Variants in SCN3B observed in about 807,000 individuals in gnomAD.
SCN3B encodes sodium voltage-gated channel beta subunit 3.
A neutral mutation model predicts 25.4 loss-of-function variants in SCN3B; 11 were observed. That is an observed-to-expected ratio of 0.43 (90% CI 0.27 to 0.72). SCN3B has a LOEUF of 0.72. SCN3B is among the 30% of genes least tolerant of loss of function. The pLI is 0.18. For synonymous variants in SCN3B, 109 were observed against 110.7 expected, an observed-to-expected ratio of 0.99 and a Z score of 0.09; for missense variants, 218 against 278.3, an observed-to-expected ratio of 0.78 and a Z score of 1.54.
In SCN3B at chr11:123,638,528, G is replaced by A. The variant is rs56655956; in HGVS notation, c.446-204C>T. On this transcript the variant is annotated intron_variant, in intron 4 of 6. Transcript: ENST00000299333. ...CTGCTCAGGAGCCAGGGAAGAGGGAGTGGGATGCCTGGAAGAAGTAGCCGA... is the reference window on the plus strand; with the variant it reads ...CTGCTCAGGAGCCAGGGAAGAGGGAATGGGATGCCTGGAAGAAGTAGCCGA... 0.033 allele frequency: 21,241 copies of A among 642,668 alleles called. 850 individuals are homozygous for A. The highest frequency in any genetic ancestry group is 0.15 in the African/African-American group (7,981 of 54,810). The allele number at this position is 642,668 out of a possible 1,614,324, so 39.8% of individuals were successfully genotyped here.
At chr11:123,651,924 C>A (rs559587819) in intron 2 of SCN3B, among the ~76,000 whole-genome samples, 1 of 152,150 alleles carries the variant, frequency 6.6e-6, no homozygotes, top group East Asian at 1.9e-4. Flanking sequence ...AGATATCACC[C>A]GTGCCAACTT....
chr11:123,647,057 C>T (rs1030859444), intron 2 of SCN3B, among the ~76,000 whole-genome samples: 1 of 151,950 alleles, frequency 6.6e-6, no homozygotes, highest in Non-Finnish European at 1.5e-5. Flanking sequence ...CTGCCCAACC[C>T]TAAAAGTTAT....
chr11:123,644,800 A>AT (rs1272015067), intron 3 of SCN3B, among the ~76,000 whole-genome samples: 77 of 45,502 alleles, frequency 1.7e-3, no homozygotes, highest in East Asian at 4.2e-3. Flanking sequence ...AGAGAGAGAG[A>AT]ATATATATAT....
At chr11:123,639,604 C>T (rs1955764746) in intron 4 of SCN3B, 1 of 152,278 alleles carries the variant, frequency 6.6e-6, no homozygotes, top group Non-Finnish European at 1.5e-5. Context: ...TCTCGAACTC[C>T]TCACCTCAGG....
At position 123,633,508 on chromosome 11, in the gene SCN3B, G is replaced by A. The variant is rs150884182; in HGVS notation, c.*291C>T. ...CAGGGGAGAAATCCAGTTGGCTTTGGAGTGTCTTGTTGGAAAACTAGGAGA... is the reference window on the plus strand; with the variant it reads ...CAGGGGAGAAATCCAGTTGGCTTTGAAGTGTCTTGTTGGAAAACTAGGAGA... On this transcript the variant is annotated 3_prime_UTR_variant, in exon 7 of 7. Transcript: ENST00000299333. 1 of 157,794 alleles carries A rather than the reference G, an allele frequency of 6.3e-6. No homozygotes were observed. Among genetic ancestry groups the A allele is most frequent in the African/African-American group, 2.4e-5 (1 of 41,608 alleles). 9.8% of individuals were successfully genotyped at this position (157,794 alleles called of 1,614,324 possible). A position where few individuals can be genotyped will look rare whatever the true frequency, so the allele number is the denominator to read the frequency against.
chr11:123,638,154 T>C (rs766959283), intron 5 of SCN3B, 32 bp downstream of exon 5: 1 of 1,613,544 alleles, frequency 6.2e-7, no homozygotes, highest in Admixed American at 1.7e-5. Flanking sequence ...AGGTGCTAGC[T>C]TTCATTATTA....
At chr11:123,645,527 G>A in intron 3 of SCN3B, 60 bp downstream of exon 3, 2 of 1,575,858 alleles carry the variant, frequency 1.3e-6, no homozygotes, top group East Asian at 4.5e-5. Context: ...ACTGTCAGGA[G>A]CCAGGCTGGG....
At position 123,653,587 on chromosome 11, in the gene SCN3B, T is replaced by A. The variant is rs68105605; in HGVS notation, c.55+160A>T. ...GGGAGGCGCCTTTCCCATCTCAAAA[T>A]CCCAGCTCTCATGGAACCCCTGCCA... On this transcript the variant is annotated intron_variant, in intron 2 of 6. Transcript: ENST00000299333. Among the ~76,000 whole-genome samples the A allele has an allele frequency of 0.12, 18,161 of 151,966 alleles. 1,147 individuals carry two copies. Among genetic ancestry groups the A allele is most frequent in the African/African-American group, 0.14 (5,599 of 41,446 alleles).
chr11:123,630,191 G>A lies in SCN3B; in HGVS notation c.*3608C>T, dbSNP rs117167932. The A allele has an allele frequency of 8.0e-4, 122 of 152,678 alleles. No homozygotes were observed. The East Asian group carries it at 9.6e-3, about 12-fold the overall frequency. The allele number at this position is 152,678 out of a possible 1,614,324, so 9.5% of individuals were successfully genotyped here. A position where few individuals can be genotyped will look rare whatever the true frequency, so the allele number is the denominator to read the frequency against. On this transcript the variant is annotated 3_prime_UTR_variant, in exon 7 of 7. Coordinates refer to ENST00000299333, the MANE Select transcript of SCN3B (RefSeq NM_001040151.2). ...AATGGAGAAACTAAAAGGTCATGCC[G>A]TTAAACAAGTGGTGAGAATAAAGGC... is the stretch of plus-strand genomic sequence containing the variant.
intron 2 of SCN3B, 111 bp downstream of exon 2, chr11:123,653,636 C>T: frequency 7.8e-7 from 1 of 1,288,050 alleles, no homozygotes. Context: ...CAGATACGCA[C>T]AGAGGCAAGC....
intron 2 of SCN3B, among the ~76,000 whole-genome samples, chr11:123,647,056 C>A (rs1955861487): frequency 6.6e-6 from 1 of 151,864 alleles, no homozygotes; most frequent in Admixed American, 6.6e-5. Flanking sequence ...TCTGCCCAAC[C>A]CTAAAAGTTA....
At chr11:123,645,547 G>C in intron 3 of SCN3B, 40 bp downstream of exon 3, 1 of 1,609,920 alleles carries the variant, frequency 6.2e-7, no homozygotes, top group Admixed American at 1.7e-5. Context: ...GAACAGCAGA[G>C]GCCAGCAGAA....
chr11:123,642,650 G>A lies in SCN3B; in HGVS notation c.241C>T (p.His81Tyr), dbSNP rs1312541677. 2 of 1,613,932 alleles carry A rather than the reference G, an allele frequency of 1.2e-6. No individual in the cohort carries two copies. Among genetic ancestry groups the A allele is most frequent in the East Asian group, 2.2e-5 (1 of 44,890 alleles). The change falls in exon 4 of 7, where the codon CAC becomes TAC. Residue 81 changes from histidine (H) to tyrosine (Y), a missense_variant. His to Tyr is a moderately conservative substitution (Grantham distance 83). Coordinates refer to ENST00000299333, the MANE Select transcript of SCN3B (RefSeq NM_001040151.2). The surrounding 1 kb of genome is among the most constrained non-coding windows in gnomAD (Gnocchi z 4.3). ...TGAAAGGGGCTCTCCACCTCCTGGTGGCCATTCCGATACTCGTAAATCTGC... is the reference window on the plus strand; with the variant it reads ...TGAAAGGGGCTCTCCACCTCCTGGTAGCCATTCCGATACTCGTAAATCTGC... Reference protein sequence around the residue: ...DFLIYEYRNGHQEVESPFQGR... With the variant: ...DFLIYEYRNGYQEVESPFQGR...
intron 3 of SCN3B, among the ~76,000 whole-genome samples, chr11:123,643,211 G>A (rs1386532481): frequency 6.6e-6 from 1 of 152,218 alleles, no homozygotes; most frequent in Non-Finnish European, 1.5e-5. Flanking sequence ...GGGGCTGTAG[G>A]ACAGTCTGGG....
chr11:123,651,727 A>C (rs1368818884), intron 2 of SCN3B, among the ~76,000 whole-genome samples: 1 of 152,184 alleles, frequency 6.6e-6, no homozygotes, highest in Non-Finnish European at 1.5e-5. Flanking sequence ...TTTCCCTTCC[A>C]CAGCTTTTCA....
chr11:123,650,723 G>A lies in SCN3B; in HGVS notation c.55+3024C>T, dbSNP rs148990499. ...CATGTGTCCATGAGAGGTGCTAGAA[G>A]GAGCACTGGAAGACTGAAATCAGAA... On this transcript the variant is annotated intron_variant, in intron 2 of 6. Transcript: ENST00000299333. Among the ~76,000 whole-genome samples, 160 of 152,282 alleles carry A rather than the reference G, an allele frequency of 1.1e-3. No homozygotes were observed. In the East Asian group the frequency reaches 0.016, roughly 15 times the overall value.
Position 123,643,424 on chromosome 11 carries a change from T to C in SCN3B, c.220-753A>G, listed in dbSNP as rs73031621. On this transcript the variant is annotated intron_variant, in intron 3 of 6. Transcript: ENST00000299333. ...ACTCTAGCTTCTATGTGCCATTCTC[T>C]CTCTACAGCTGTGCTGGCTATTCTA... Among the ~76,000 whole-genome samples the C allele has an allele frequency of 2.6e-3, 394 of 152,384 alleles. 1 individual carries two copies. Among genetic ancestry groups the C allele is most frequent in the Admixed American group, 6.7e-3 (103 of 15,312 alleles).
At chr11:123,653,012 A>T (rs1049173774) in intron 2 of SCN3B, among the ~76,000 whole-genome samples, 1 of 152,150 alleles carries the variant, frequency 6.6e-6, no homozygotes, top group African/African-American at 2.4e-5. Context: ...AGATTCCCTT[A>T]TTTGGAGGGG....
chr11:123,645,506 G>A (rs1383821206), intron 3 of SCN3B, 81 bp downstream of exon 3: 2 of 1,410,982 alleles, frequency 1.4e-6, no homozygotes, highest in East Asian at 4.6e-5. Context: ...TGCTAGCTTG[G>A]CATCCCCCGG....
Sources: gnomAD v4.1 joint callset for allele counts (sites outside exome capture counted in the v4.1 genomes callset) on GRCh38, gnomAD v4.1.1 for gene constraint, Gnocchi (gnomAD v3.1) non-coding constraint, MANE v1.5 for transcripts, NCBI Gene and HGNC (gene_info 2026-07-23, HGNC 2026-07-21) for gene names.